Variants in SRGAP2 observed in about 807,000 individuals in gnomAD.
SRGAP2 encodes the protein SLIT-ROBO Rho GTPase activating protein 2.
A neutral mutation model predicts 57.2 loss-of-function variants in SRGAP2; 15 were observed. The observed-to-expected ratio is 0.26, with a 90% CI of 0.18 to 0.40. The LOEUF is 0.40. Among genes scored for constraint, SRGAP2 ranks in the 10% least tolerant of loss-of-function variants. The pLI is 1.00. For synonymous variants in SRGAP2, 249 were observed against 248.0 expected (o/e 1.00, Z -0.04); for missense variants, 520 against 669.6 (o/e 0.78, Z 2.47).
At position 206,333,257 on chromosome 1, in the gene SRGAP2, C is replaced by T. The variant is rs1247792039; in HGVS notation, c.261-9589C>T. 122 of 1,129,488 alleles carry T rather than the reference C, an allele frequency of 1.1e-4. No homozygotes were observed. In the South Asian group the frequency reaches 1.3e-3, roughly 12 times the overall value. 70.0% of individuals were successfully genotyped at this position (1,129,488 alleles called of 1,614,324 possible). A position where few individuals can be genotyped will look rare whatever the true frequency, so the allele number is the denominator to read the frequency against. ...AATCACCCGTCTTCTGCGTCGCTCA[C>T]GCTGGGAGCTGTAGACCGGAGCTGT... is the stretch of plus-strand genomic sequence containing the variant. On this transcript the variant is annotated intron_variant, in intron 3 of 22. Transcript: ENST00000573034.
chr1:206,260,160 A>C (rs1193518768), intron 2 of SRGAP2, among the ~76,000 whole-genome samples: 283 of 100,658 alleles, frequency 2.8e-3, no homozygotes, highest in Non-Finnish European at 4.5e-3. Context: ...TATAATATTC[A>C]AATTTTAGGG....
chr1:206,398,302 G>A (rs1441097925), intron 7 of SRGAP2, among the ~76,000 whole-genome samples: 17 of 151,834 alleles, frequency 1.1e-4, no homozygotes, highest in African/African-American at 3.6e-4. Context: ...CTGAAGGCTC[G>A]GTTTCTGGCT....
chr1:206,458,222 C>A (rs1663995062), intron 21 of SRGAP2: 2 of 392,468 alleles, frequency 5.1e-6, no homozygotes, highest in Non-Finnish European at 1.0e-5. Context: ...TATCCTCTTA[C>A]CAGCAATCTT....
intron 18 of SRGAP2, among the ~76,000 whole-genome samples, chr1:206,448,750 G>A (rs868921695): frequency 6.0e-5 from 9 of 149,064 alleles, no homozygotes; most frequent in African/African-American, 1.7e-4. Flanking sequence ...CCTCTCCCCC[G>A]CCACCCCCAC....
At chr1:206,355,348 T>A (rs1676352970) in intron 4 of SRGAP2, among the ~76,000 whole-genome samples, 1 of 152,122 alleles carries the variant, frequency 6.6e-6, no homozygotes, top group Non-Finnish European at 1.5e-5. Context: ...CCAAGTGGAT[T>A]CAAGTGACTT....
Position 206,229,743 on chromosome 1 carries a change from A to G in SRGAP2, c.67+23706A>G, listed in dbSNP as rs567756999. Reference sequence around the variant, plus strand: ...TCTTTTCTTCTTTCAGGATTTCTATAGCTTCTTTTAGAGACTCAAAGTGCT... The same window carrying G: ...TCTTTTCTTCTTTCAGGATTTCTATGGCTTCTTTTAGAGACTCAAAGTGCT... On this transcript the variant is annotated intron_variant, in intron 2 of 22. Transcript: ENST00000573034. Among the ~76,000 whole-genome samples the G allele has an allele frequency of 2.8e-3, 425 of 151,890 alleles. 1 individual carries two copies. Among genetic ancestry groups the G allele is most frequent in the African/African-American group, 0.01 (414 of 41,326 alleles).
intron 13 of SRGAP2, among the ~76,000 whole-genome samples, chr1:206,424,582 G>A: frequency 6.6e-6 from 1 of 152,194 alleles, no homozygotes; most frequent in East Asian, 1.9e-4. Flanking sequence ...TTGAACCTGG[G>A]AAGCGGAGGT....
chr1:206,247,086 G>T (rs1223402724), intron 2 of SRGAP2, among the ~76,000 whole-genome samples: 2 of 138,264 alleles, frequency 1.4e-5, no homozygotes, highest in Non-Finnish European at 3.1e-5. Flanking sequence ...CCAGGGCTGC[G>T]CCAGCAGCAT....
chr1:206,340,656 T>C (rs1413269577), intron 3 of SRGAP2, among the ~76,000 whole-genome samples: 1 of 148,912 alleles, frequency 6.7e-6, no homozygotes, highest in African/African-American at 2.5e-5. Flanking sequence ...TTGATTAAAA[T>C]GTAAATTAGG....
At chr1:206,413,080 G>A (rs1553360165) in intron 10 of SRGAP2, among the ~76,000 whole-genome samples, 1 of 152,200 alleles carries the variant, frequency 6.6e-6, no homozygotes, top group Non-Finnish European at 1.5e-5. Context: ...GTTAACTAAT[G>A]AATTGTGAAC....
intron 5 of SRGAP2, among the ~76,000 whole-genome samples, chr1:206,388,992 C>CAA (rs2103083141): frequency 6.6e-6 from 1 of 150,916 alleles, no homozygotes; most frequent in Non-Finnish European, 1.5e-5. Context: ...TAGACCATCT[C>CAA]AAAATTTAAC....
chr1:206,332,168 C>G (rs1432812054), intron 3 of SRGAP2, among the ~76,000 whole-genome samples: 1 of 112,120 alleles, frequency 8.9e-6, no homozygotes, highest in Admixed American at 9.8e-5. Flanking sequence ...GGGTTTCTGC[C>G]GAGAGATCCG....
At chr1:206,424,765 ATTAATT>A (rs1660645674) in intron 13 of SRGAP2, among the ~76,000 whole-genome samples, 1 of 152,262 alleles carries the variant, frequency 6.6e-6, no homozygotes, top group African/African-American at 2.4e-5. Flanking sequence ...TCCCAGGGAA[ATTAATT>A]TACTCATTGC....
Position 206,393,560 on chromosome 1 carries a change from A to G in SRGAP2, c.718A>G (p.Thr240Ala). Reference sequence around the variant, plus strand: ...TCCTTTTCAGCGTCAAGCCAAGTACACGGAGAATAAGCTGAAGGCCATCAA... The same window carrying G: ...TCCTTTTCAGCGTCAAGCCAAGTACGCGGAGAATAAGCTGAAGGCCATCAA... ...KMKEKRQAKY[T>A]ENKLKAIKAR... The change falls in exon 7 of 23, where the codon ACG (threonine) becomes GCG (alanine). Residue 240 changes from threonine to alanine, a missense_variant. Thr to Ala is a moderately conservative substitution (Grantham distance 58, BLOSUM62 0). This residue lies in a region of SRGAP2 where 12 missense variants were observed against 21.3 expected (regional missense o/e 0.56). Coordinates refer to ENST00000573034, the MANE Select transcript of SRGAP2 (RefSeq NM_015326.5). 1 of 779,126 alleles carries G rather than the reference A, an allele frequency of 1.3e-6. No homozygotes were observed. The highest frequency in any genetic ancestry group is 2.4e-6 in the Non-Finnish European group (1 of 417,452). The allele number at this position is 779,126 out of a possible 1,614,324, so 48.3% of individuals were successfully genotyped here.
chr1:206,239,771 T>A (rs1553308723), intron 2 of SRGAP2, among the ~76,000 whole-genome samples: 1 of 151,694 alleles, frequency 6.6e-6, no homozygotes, highest in Non-Finnish European at 1.5e-5. Context: ...ATGAAAAGAT[T>A]TTTGATGTAC....
chr1:206,354,639 C>CT (rs199879243), intron 4 of SRGAP2, among the ~76,000 whole-genome samples: 1,562 of 152,298 alleles, frequency 0.01, 12 homozygotes, highest in Non-Finnish European at 0.018. Flanking sequence ...AATAATGCTG[C>CT]TATGAACATT....
intron 5 of SRGAP2, among the ~76,000 whole-genome samples, chr1:206,386,628 T>G (rs1656288540): frequency 8.9e-6 from 1 of 112,080 alleles, no homozygotes; most frequent in Non-Finnish European, 1.8e-5. Flanking sequence ...AAACCCTGTC[T>G]CTACTAAAAA....
At chr1:206,258,822 G>GA (rs562587942) in intron 2 of SRGAP2, among the ~76,000 whole-genome samples, 204 of 136,786 alleles carry the variant, frequency 1.5e-3, no homozygotes, top group African/African-American at 5.6e-3. Context: ...ACTGAGACAG[G>GA]AGAAGTGGAG....
At chr1:206,366,116 C>A (rs1653981851) in intron 4 of SRGAP2, among the ~76,000 whole-genome samples, 1 of 152,234 alleles carries the variant, frequency 6.6e-6, no homozygotes, top group African/African-American at 2.4e-5. Context: ...TCAACTCCTC[C>A]AGAATATTTA....
Sources: gnomAD v4.1 joint callset for allele counts (sites outside exome capture counted in the v4.1 genomes callset) on GRCh38, gnomAD v4.1.1 for gene constraint, gnomAD v4.1.1 regional missense constraint, MANE v1.5 for transcripts, NCBI Gene and HGNC (gene_info 2026-07-23, HGNC 2026-07-21) for gene names.